OIT3: variants seen among roughly 807,000 people sequenced by gnomAD.
OIT3 encodes oncoprotein induced transcript 3.
OIT3 carries 41 observed loss-of-function variants against 52.2 expected under a neutral mutation model. The ratio of observed to expected loss-of-function variants is 0.79; its 90% CI spans 0.61 to 1.02. The LOEUF (loss-of-function observed/expected upper bound fraction) is 1.02, where lower values mean the gene tolerates loss of function less well. Ranked by LOEUF, OIT3 falls within the 50% of genes least tolerant of loss-of-function variation. The pLI is 0.00. For synonymous variants in OIT3, 244 were observed against 276.9 expected (o/e 0.88, Z 1.18); for missense variants, 634 against 715.5 (o/e 0.89, Z 1.30).
rs769511909 is a variant in OIT3 at position 72,930,558 on chromosome 10, T to A, written c.1388T>A (p.Val463Glu). 1 of 1,613,506 alleles carries A rather than the reference T, an allele frequency of 6.2e-7. No homozygotes were observed. Among genetic ancestry groups the A allele is most frequent in the Admixed American group, 1.7e-5 (1 of 59,978 alleles). Reference sequence around the variant, plus strand: ...TTCAGCTGTGTTTCAGATGACTCGGTAAAGCAGTACACATCCCGGGATCAC... The same window carrying A: ...TTCAGCTGTGTTTCAGATGACTCGGAAAAGCAGTACACATCCCGGGATCAC... ...IRDGCVSDDS[V>E]KQYTSRDHLA... The change falls in exon 8 of 9, where the codon GTA (valine) becomes GAA (glutamate). Residue 463 changes from valine (V) to glutamate (E), a missense_variant. Val to Glu is a moderately radical substitution (Grantham distance 121, BLOSUM62 -2). Coordinates refer to ENST00000334011, the MANE Select transcript of OIT3 (RefSeq NM_152635.3).
chr10:72,916,140 A>G (rs991711720), intron 6 of OIT3, among the ~76,000 whole-genome samples: 3 of 152,124 alleles, frequency 2.0e-5, no homozygotes, highest in Admixed American at 6.5e-5. Context: ...CTCGTATACC[A>G]TACTGTCTTT....
intron 2 of OIT3, 105 bp downstream of exon 2, chr10:72,899,143 T>G: frequency 1.0e-6 from 1 of 987,286 alleles, no homozygotes; most frequent in South Asian, 1.6e-5. Context: ...TATATCTCAA[T>G]CTGAACAACA....
chr10:72,899,385 A>G (rs770266996), intron 2 of OIT3, among the ~76,000 whole-genome samples: 4 of 152,100 alleles, frequency 2.6e-5, no homozygotes, highest in Non-Finnish European at 5.9e-5. Flanking sequence ...TCACAAGATC[A>G]GGAGTTTAAG....
rs1189450087 is a variant in OIT3, at chr10:72,906,638, T to A, written c.587T>A (p.Ile196Asn). 1 of 1,613,728 alleles carries A rather than the reference T, an allele frequency of 6.2e-7. No individual in the cohort carries two copies. Among genetic ancestry groups the A allele is most frequent in the Non-Finnish European group, 8.5e-7 (1 of 1,179,800 alleles). The change falls in exon 4 of 9, where the codon ATC (isoleucine) becomes AAC (asparagine). Residue 196 changes from isoleucine (I) to asparagine (N), a missense_variant. Ile to Asn is a moderately radical substitution (Grantham distance 149, BLOSUM62 -3). Transcript: ENST00000334011. ...CEQNNGGCSE[I>N]CVNLKNSYRC... Reference sequence around the variant, plus strand: ...CAAAACAACGGTGGCTGCAGTGAGATCTGTGTGAACCTCAAAAACTCCTAC... The same window carrying A: ...CAAAACAACGGTGGCTGCAGTGAGAACTGTGTGAACCTCAAAAACTCCTAC...
chr10:72,931,175 C>T (rs1846213617), intron 8 of OIT3, among the ~76,000 whole-genome samples: 1 of 152,114 alleles, frequency 6.6e-6, no homozygotes, highest in Non-Finnish European at 1.5e-5. Flanking sequence ...GTCTGATAAT[C>T]TGTAATAATA....
intron 6 of OIT3, among the ~76,000 whole-genome samples, chr10:72,920,716 C>T (rs957832200): frequency 7.9e-5 from 12 of 152,144 alleles, no homozygotes. Context: ...CAGGTTATTA[C>T]ATTTCCATGT....
intron 7 of OIT3, among the ~76,000 whole-genome samples, chr10:72,926,590 CAGA>C (rs1846171440): frequency 2.0e-5 from 3 of 152,202 alleles, no homozygotes; most frequent in Admixed American, 2.0e-4. Context: ...ATCTGCTTCT[CAGA>C]AGGTGTGCTT....
At chr10:72,927,218 C>A (rs559580570) in intron 7 of OIT3, among the ~76,000 whole-genome samples, 1 of 152,258 alleles carries the variant, frequency 6.6e-6, no homozygotes, top group Non-Finnish European at 1.5e-5. Context: ...AGCTCCCCTG[C>A]AACCTCTGCC....
intron 7 of OIT3, among the ~76,000 whole-genome samples, chr10:72,927,885 C>T (rs541198798): frequency 6.6e-6 from 1 of 152,262 alleles, no homozygotes; most frequent in African/African-American, 2.4e-5. Flanking sequence ...CCTTTCCTGG[C>T]ACCTTTCTCC....
At chr10:72,901,866 A>AC (rs977755567) in intron 3 of OIT3, among the ~76,000 whole-genome samples, 1 of 151,892 alleles carries the variant, frequency 6.6e-6, no homozygotes, top group Non-Finnish European at 1.5e-5. Flanking sequence ...ACATAGTGAG[A>AC]CCCCATCTCT....
chr10:72,932,519 G>T lies in OIT3; in HGVS notation c.1633G>T (p.Asp545Tyr), dbSNP rs1189618983. Residue 545 changes from aspartate (D) to tyrosine (Y), a missense_variant, in exon 9 of 9, where the codon GAC becomes TAC. Transcript: ENST00000334011. ...CGGCCCGATCCGCATCGACTGGGAGGACTAGTTCGTAGCCATACCTCGAGT... is the reference window on the plus strand; with the variant it reads ...CGGCCCGATCCGCATCGACTGGGAGTACTAGTTCGTAGCCATACCTCGAGT... ...TGGPIRIDWE[D>Y] 6 of 1,601,284 alleles carry T rather than the reference G, an allele frequency of 3.7e-6. No individual in the cohort carries two copies. Among genetic ancestry groups the T allele is most frequent in the Non-Finnish European group, 5.1e-6 (6 of 1,173,420 alleles).
chr10:72,903,150 G>A (rs989567893), intron 3 of OIT3, among the ~76,000 whole-genome samples: 4 of 152,064 alleles, frequency 2.6e-5, no homozygotes, highest in Non-Finnish European at 5.9e-5. Flanking sequence ...TGTTCAGGCA[G>A]CATACAAGAA....
intron 2 of OIT3, among the ~76,000 whole-genome samples, chr10:72,899,616 A>G (rs1403396478): frequency 6.6e-6 from 1 of 151,920 alleles, no homozygotes; most frequent in Admixed American, 6.6e-5. Context: ...AAAAAAGAAA[A>G]AAAGAAAATG....
intron 4 of OIT3, among the ~76,000 whole-genome samples, chr10:72,911,513 G>A (rs557651166): frequency 2.0e-5 from 3 of 152,248 alleles, no homozygotes; most frequent in African/African-American, 7.2e-5. Flanking sequence ...GCTTAATTGG[G>A]TAGAGTTATG....
chr10:72,894,659 C>A (rs1202932899), intron 1 of OIT3, among the ~76,000 whole-genome samples: 1 of 152,116 alleles, frequency 6.6e-6, no homozygotes, highest in East Asian at 1.9e-4. Context: ...GGGTGGATCA[C>A]CTGAGGTCAG....
At chr10:72,899,609 A>G (rs1338631106) in intron 2 of OIT3, among the ~76,000 whole-genome samples, 1 of 151,644 alleles carries the variant, frequency 6.6e-6, no homozygotes, top group East Asian at 1.9e-4. Flanking sequence ...AAAAAAAAAA[A>G]AAGAAAAAAA....
At chr10:72,917,883 T>G in intron 6 of OIT3, 1 of 1,246,174 alleles carries the variant, frequency 8.0e-7, no homozygotes, top group Non-Finnish European at 1.2e-6. Flanking sequence ...TGGTTTTGAG[T>G]CTTTTCCATT....
rs1846231188 is a variant in OIT3 at position 72,932,814 on chromosome 10, C to A, written c.*290C>A. The stretch of plus-strand genomic sequence containing the variant: ...CTCATTTCTTTCCTACACTTAAATA[C>A]CTCGTGTATGGTGCAATCAGACCAC... On this transcript the variant is annotated 3_prime_UTR_variant, in exon 9 of 9. Coordinates refer to ENST00000334011, the MANE Select transcript of OIT3 (RefSeq NM_152635.3). 3.2e-6 allele frequency: 1 copy of A among 312,792 alleles called. No homozygotes were observed. Among genetic ancestry groups the A allele is most frequent in the Admixed American group, 4.6e-5 (1 of 21,564 alleles). The allele number at this position is 312,792 out of a possible 1,614,324, so 19.4% of individuals were successfully genotyped here.
intron 1 of OIT3, among the ~76,000 whole-genome samples, chr10:72,894,746 G>C (rs986420234): frequency 1.3e-5 from 2 of 152,070 alleles, no homozygotes; most frequent in Admixed American, 6.5e-5. Context: ...AAATTAGATG[G>C]TCATGGTGTT....
Sources: gnomAD v4.1 joint callset for allele counts (sites outside exome capture counted in the v4.1 genomes callset) on GRCh38, gnomAD v4.1.1 for gene constraint, MANE v1.5 for transcripts, NCBI Gene and HGNC (gene_info 2026-07-23, HGNC 2026-07-21) for gene names.